The following SKAP2 variants were observed in gnomAD, a reference collection of about 807,000 sequenced individuals.
SKAP2 encodes the protein src kinase associated phosphoprotein 2, also known as src kinase-associated phosphoprotein 2.
SKAP2 carries 28 observed loss-of-function variants against 54.9 expected under a neutral mutation model. That is an observed-to-expected ratio of 0.51 (90% confidence interval 0.38 to 0.70). The LOEUF is 0.70. Among genes scored for constraint, SKAP2 ranks in the 30% least tolerant of loss-of-function variants. SKAP2 has a pLI of 0.00. For synonymous variants in SKAP2, 137 were observed against 134.3 expected (o/e 1.02, Z -0.14); for missense variants, 356 against 424.1 (o/e 0.84, Z 1.41).
intron 9 of SKAP2, among the ~76,000 whole-genome samples, chr7:26,710,809 T>C (rs917182428): frequency 1.5e-4 from 23 of 152,158 alleles, no homozygotes; most frequent in African/African-American, 5.3e-4. Flanking sequence ...CCCCACTAAA[T>C]GAAAAATTAT....
intron 4 of SKAP2, among the ~76,000 whole-genome samples, chr7:26,825,327 C>G (rs191938660): frequency 6.6e-6 from 1 of 151,748 alleles, no homozygotes; most frequent in Admixed American, 6.6e-5. Flanking sequence ...TATGTATCTT[C>G]GCTAACTGCC....
In SKAP2 at chr7:26,668,820, C is replaced by T. The variant is rs938799222; in HGVS notation, c.*846G>A. 1.3e-5 allele frequency: 2 copies of T among 152,146 alleles called. No homozygotes were observed. Among genetic ancestry groups the T allele is most frequent in the African/African-American group, 4.8e-5 (2 of 41,510 alleles). The allele number at this position is 152,146 out of a possible 1,614,324, so 9.4% of individuals were successfully genotyped here. ...AGCTGGGACTGCAGGTGAACATTAC[C>T]ACACTTGGCTAATTTTTAGTAGAGA... On this transcript the variant is annotated 3_prime_UTR_variant, in exon 13 of 13. Coordinates refer to ENST00000345317, the MANE Select transcript of SKAP2 (RefSeq NM_003930.5).
chr7:26,677,157 G>A (rs1206698404), intron 11 of SKAP2, among the ~76,000 whole-genome samples: 2 of 152,246 alleles, frequency 1.3e-5, no homozygotes, highest in African/African-American at 4.8e-5. Flanking sequence ...TTGGGAGGCC[G>A]AGGCGGGAGG....
intron 1 of SKAP2, chr7:26,857,792 G>T: frequency 1.1e-6 from 1 of 938,232 alleles, no homozygotes; most frequent in Non-Finnish European, 1.3e-6. Flanking sequence ...TAAGAGTCTT[G>T]GGCGAATCAA....
chr7:26,766,795 G>A (rs1043904030), intron 4 of SKAP2, among the ~76,000 whole-genome samples: 9 of 152,200 alleles, frequency 5.9e-5, no homozygotes, highest in African/African-American at 2.2e-4. Context: ...TGTCAAACCA[G>A]CCTTGCATCC....
intron 11 of SKAP2, among the ~76,000 whole-genome samples, chr7:26,682,208 C>T (rs73075513): frequency 0.038 from 5,780 of 152,258 alleles, 145 homozygotes; most frequent in Middle Eastern, 0.068. Flanking sequence ...AACTTACAGT[C>T]TGAGTTTGCC....
intron 6 of SKAP2, among the ~76,000 whole-genome samples, chr7:26,728,244 A>G (rs1787749729): frequency 6.6e-6 from 1 of 152,156 alleles, no homozygotes; most frequent in Non-Finnish European, 1.5e-5. Context: ...AGATTAGAGA[A>G]GCATTTCCCA....
intron 4 of SKAP2, among the ~76,000 whole-genome samples, chr7:26,826,211 T>A (rs926309966): frequency 1.3e-5 from 2 of 152,150 alleles, no homozygotes; most frequent in Non-Finnish European, 2.9e-5. Context: ...TCTTGAGAGA[T>A]CTCTATTTCA....
chr7:26,682,897 G>T (rs1184775937), intron 11 of SKAP2, among the ~76,000 whole-genome samples: 1 of 152,112 alleles, frequency 6.6e-6, no homozygotes, highest in African/African-American at 2.4e-5. Context: ...ATTTCCTGAG[G>T]CAACAGTAGA....
At chr7:26,749,728 C>G (rs1315696243) in intron 4 of SKAP2, among the ~76,000 whole-genome samples, 1 of 140,264 alleles carries the variant, frequency 7.1e-6, no homozygotes, top group Non-Finnish European at 1.5e-5. Context: ...AGAGTGAGAC[C>G]CTGTCTCAAA....
Position 26,823,173 on chromosome 7 carries a change from C to G in SKAP2, c.307+20857G>C, listed in dbSNP as rs556340577. Reference sequence around the variant, plus strand: ...AGGTGTGGTGGCTCACGCCTGTAATCCCAGCACTTTGGAAGGCCGAGGCAG... The same window carrying G: ...AGGTGTGGTGGCTCACGCCTGTAATGCCAGCACTTTGGAAGGCCGAGGCAG... On this transcript the variant is annotated intron_variant, in intron 4 of 12. Transcript: ENST00000345317. Among the ~76,000 whole-genome samples, 288 of 152,152 alleles carry G rather than the reference C, an allele frequency of 1.9e-3. 1 individual carries two copies. Among genetic ancestry groups the G allele is most frequent in the African/African-American group, 6.6e-3 (275 of 41,528 alleles).
intron 4 of SKAP2, among the ~76,000 whole-genome samples, chr7:26,801,082 T>G (rs1052889236): frequency 9.2e-5 from 14 of 152,130 alleles, no homozygotes; most frequent in Non-Finnish European, 1.8e-4. Flanking sequence ...ATATATTTGA[T>G]GAATAATTGA....
At chr7:26,733,745 G>T (rs4722630) in intron 6 of SKAP2, among the ~76,000 whole-genome samples, 124,110 of 152,092 alleles carry the variant, frequency 0.82, 51,238 homozygotes, top group African/African-American at 0.95. Flanking sequence ...AATTTTCTAC[G>T]GACTTTTATT....
chr7:26,788,196 T>C (rs10272303), intron 4 of SKAP2, among the ~76,000 whole-genome samples: 32,422 of 152,134 alleles, frequency 0.21, 3,552 homozygotes, highest in Non-Finnish European at 0.24. Context: ...AGATGTTTTA[T>C]TAGACTTAAT....
chr7:26,832,512 C>T (rs1289609946), intron 4 of SKAP2, among the ~76,000 whole-genome samples: 1 of 152,104 alleles, frequency 6.6e-6, no homozygotes, highest in Non-Finnish European at 1.5e-5. Context: ...CCTTGAAATT[C>T]CTTTTGTTTG....
intron 9 of SKAP2, among the ~76,000 whole-genome samples, chr7:26,704,294 C>T (rs929607663): frequency 2.6e-5 from 4 of 152,144 alleles, no homozygotes; most frequent in Non-Finnish European, 4.4e-5. Flanking sequence ...CCATCACCTC[C>T]CTCCCAGAGA....
chr7:26,860,561 G>A (rs561574893), intron 1 of SKAP2, among the ~76,000 whole-genome samples: 2 of 151,984 alleles, frequency 1.3e-5, no homozygotes, highest in South Asian at 2.1e-4. Context: ...CTCAGTAGGT[G>A]GCACTCTTCC....
the SKAP2 span, among the ~76,000 whole-genome samples, chr7:26,655,088 T>C: frequency 1.3e-5 from 2 of 152,106 alleles, no homozygotes; most frequent in Non-Finnish European, 2.9e-5. Context: ...TTTGAGGAGA[T>C]CACCACTGCT....
intron 9 of SKAP2, among the ~76,000 whole-genome samples, chr7:26,693,073 T>G (rs562486979): frequency 6.6e-6 from 1 of 152,244 alleles, no homozygotes; most frequent in East Asian, 1.9e-4. Context: ...CGGTCACGCC[T>G]GTAATCCCAG....
Sources: gnomAD v4.1 joint callset for allele counts (sites outside exome capture counted in the v4.1 genomes callset) on GRCh38, gnomAD v4.1.1 for gene constraint, MANE v1.5 for transcripts, NCBI Gene and HGNC (gene_info 2026-07-23, HGNC 2026-07-21) for gene names.